Variants in BLTP3A observed in about 807,000 individuals in gnomAD.
BLTP3A encodes ICBP90 binding protein 1.
the BLTP3A span, among the ~76,000 whole-genome samples, chr6:34,841,854 T>C: frequency 1.3e-5 from 2 of 152,208 alleles, no homozygotes; most frequent in Admixed American, 6.5e-5. Context: ...TGAGAGAAGA[T>C]TGGTGATTGA....
the BLTP3A span, chr6:34,792,256 C>T: frequency 6.5e-7 from 1 of 1,541,938 alleles, no homozygotes; most frequent in Admixed American, 2.0e-5. Context: ...CCGGCATGGC[C>T]GGGATCATTA....
the BLTP3A span, among the ~76,000 whole-genome samples, chr6:34,808,584 C>A: frequency 1.3e-5 from 2 of 151,112 alleles, no homozygotes; most frequent in Non-Finnish European, 3.0e-5. Context: ...ATTATGAACA[C>A]CTTTTTTTTT....
At chr6:34,871,198 A>C in the BLTP3A span, 1 of 1,453,722 alleles carries the variant, frequency 6.9e-7, no homozygotes, top group Non-Finnish European at 9.3e-7. Flanking sequence ...AAGCAGTGAC[A>C]CCTGTTAACC....
the BLTP3A span, among the ~76,000 whole-genome samples, chr6:34,806,742 ACCT>A: frequency 6.6e-6 from 1 of 151,926 alleles, no homozygotes; most frequent in Non-Finnish European, 1.5e-5. Context: ...GCTCACTGCA[ACCT>A]CCTCCTCCTG....
chr6:34,858,662 C>G, the BLTP3A span: 11 of 1,614,218 alleles, frequency 6.8e-6, no homozygotes, highest in Non-Finnish European at 9.3e-6. Flanking sequence ...GCCCCTGACT[C>G]TATGTCCCAT....
At chr6:34,867,316 C>T in the BLTP3A span, 1 of 1,614,098 alleles carries the variant, frequency 6.2e-7, no homozygotes, top group African/African-American at 1.3e-5. Context: ...ATAATTATGG[C>T]CAGGGGTCAC....
At chr6:34,865,568 A>G in the BLTP3A span, among the ~76,000 whole-genome samples, 1 of 152,166 alleles carries the variant, frequency 6.6e-6, no homozygotes, top group Non-Finnish European at 1.5e-5. Context: ...CCAGAAGTGG[A>G]TATGGTAACT....
At chr6:34,856,263 G>A in the BLTP3A span, 31 of 1,613,862 alleles carry the variant, frequency 1.9e-5, no homozygotes, top group South Asian at 1.6e-4. Context: ...CATTGGGTAC[G>A]CCACTGTGAG....
At chr6:34,860,293 A>C in the BLTP3A span, among the ~76,000 whole-genome samples, 1 of 152,214 alleles carries the variant, frequency 6.6e-6, no homozygotes, top group Non-Finnish European at 1.5e-5. Context: ...ACAGGAAAAC[A>C]CAGAAATGCA....
chr6:34,873,070 T>C, the BLTP3A span: 1 of 152,262 alleles, frequency 6.6e-6, no homozygotes, highest in African/African-American at 2.4e-5. Context: ...TTTTTCCAGG[T>C]TAAGCTTCCT....
the BLTP3A span, among the ~76,000 whole-genome samples, chr6:34,809,787 C>A: frequency 6.6e-6 from 1 of 152,058 alleles, no homozygotes; most frequent in South Asian, 2.1e-4. Flanking sequence ...AACTCCTGGC[C>A]TCATGTGATC....
chr6:34,867,938 A>G, the BLTP3A span, among the ~76,000 whole-genome samples: 3 of 152,220 alleles, frequency 2.0e-5, no homozygotes, highest in Non-Finnish European at 4.4e-5. Context: ...TCTGTCATTC[A>G]GATTCAGTCC....
chr6:34,826,509 C>A, the BLTP3A span, among the ~76,000 whole-genome samples: 1 of 152,008 alleles, frequency 6.6e-6, no homozygotes, highest in Non-Finnish European at 1.5e-5. Context: ...CAGGCATGTG[C>A]CACTGCACCC....
chr6:34,856,151 C>G, the BLTP3A span: 2 of 1,469,562 alleles, frequency 1.4e-6, no homozygotes, highest in Non-Finnish European at 1.8e-6. Flanking sequence ...GAATCAGATT[C>G]TGAACTATGA....
At chr6:34,824,558 CA>C in the BLTP3A span, among the ~76,000 whole-genome samples, 54 of 107,136 alleles carry the variant, frequency 5.0e-4, no homozygotes, top group South Asian at 1.9e-3. Context: ...AACTCCATCT[CA>C]AAAAAAAAAA....
At chr6:34,821,434 G>GCCATAT in the BLTP3A span, 1 of 409,312 alleles carries the variant, frequency 2.4e-6, no homozygotes, top group South Asian at 5.1e-5. Flanking sequence ...TGGTCTGAGT[G>GCCATAT]CATTTGTTCT....
At chr6:34,834,859 A>G in the BLTP3A span, 1 of 1,612,832 alleles carries the variant, frequency 6.2e-7, no homozygotes, top group Non-Finnish European at 8.5e-7. Context: ...CCTCAAAAGA[A>G]GAGTAAGTGT....
the BLTP3A span, among the ~76,000 whole-genome samples, chr6:34,863,661 A>C: frequency 6.6e-6 from 1 of 152,204 alleles, no homozygotes; most frequent in Non-Finnish European, 1.5e-5. Flanking sequence ...TTATGGAATG[A>C]ATGCAGGTGG....
the BLTP3A span, among the ~76,000 whole-genome samples, chr6:34,852,531 GCCCCT>G: frequency 1.4e-5 from 2 of 144,298 alleles, no homozygotes; most frequent in Non-Finnish European, 3.0e-5. Context: ...CCCTGTATTC[GCCCCT>G]CTCCTCTCCT....
Sources: gnomAD v4.1 joint callset for allele counts (sites outside exome capture counted in the v4.1 genomes callset) on GRCh38, gnomAD v4.1.1 for gene constraint, MANE v1.5 for transcripts, NCBI Gene and HGNC (gene_info 2026-07-23, HGNC 2026-07-21) for gene names.